CAPS2: variants seen among roughly 807,000 people sequenced by gnomAD.
CAPS2 encodes calcyphosin-2.
In CAPS2, 98 loss-of-function variants were observed where a neutral mutation model predicts 86.5. The observed-to-expected ratio is 1.13, with a 90% CI of 0.96 to 1.34. The LOEUF (loss-of-function observed/expected upper bound fraction) is 1.34. CAPS2 is among the 40% of genes most tolerant of loss of function. CAPS2 has a pLI of 0.00. For missense variants in CAPS2, 729 were observed against 686.8 expected (o/e 1.06, Z -0.69); for synonymous variants, 210 against 225.1 (o/e 0.93, Z 0.60).
chr12:75,335,960 T>C (rs2041707836), intron 1 of CAPS2, among the ~76,000 whole-genome samples: 3 of 151,996 alleles, frequency 2.0e-5, no homozygotes, highest in South Asian at 4.1e-4. Flanking sequence ...ATATAATAAA[T>C]GTTCTTTATA....
At chr12:75,277,199 A>C (rs1158975990), downstream of CAPS2, 16 of 943,584 alleles carry the variant, frequency 1.7e-5, no homozygotes, top group Non-Finnish European at 2.0e-5. Flanking sequence ...TACATTCCAA[A>C]AGTAGCTTCC....
intron 1 of CAPS2, among the ~76,000 whole-genome samples, chr12:75,384,655 G>A (rs2045188281): frequency 1.3e-5 from 2 of 152,028 alleles, no homozygotes; most frequent in Non-Finnish European, 2.9e-5. Context: ...CATTCTATGA[G>A]GCCAGCATTA....
chr12:75,374,298 G>A (rs951925212), intron 1 of CAPS2, among the ~76,000 whole-genome samples: 21 of 152,278 alleles, frequency 1.4e-4, no homozygotes, highest in South Asian at 2.1e-4. Flanking sequence ...CGAGTTACTC[G>A]ACAGATGGGC....
chr12:75,330,809 A>AGTTTCCTTCTTGTT (rs1450769720), upstream of CAPS2, among the ~76,000 whole-genome samples: 10 of 149,102 alleles, frequency 6.7e-5, no homozygotes, highest in African/African-American at 2.5e-4. Flanking sequence ...TTTGAGACGG[A>AGTTTCCTTCTTGTT]GTTTCCTTCT....
rs181580359 is a variant in CAPS2 at position 75,360,415 on chromosome 12, T to A, written c.-395+30423A>T. ...CAAGTTAGTTCCTTCCTAGATACAA[T>A]GGGGATACAGGCATTGGGTAAATGC... On this transcript the variant is annotated intron_variant, in intron 1 of 5. Transcript: ENST00000551829. 3.3e-5 allele frequency: 5 copies of A among 152,232 alleles called. No individual in the cohort carries two copies. The East Asian group carries it at 9.7e-4, about 29-fold the overall frequency. The allele number at this position is 152,232 out of a possible 1,614,324, so 9.4% of individuals were successfully genotyped here.
intron 1 of CAPS2, chr12:75,363,036 A>C: frequency 4.3e-6 from 3 of 699,284 alleles, no homozygotes; most frequent in Non-Finnish European, 7.3e-6. Flanking sequence ...CAACTTGCAT[A>C]CATGCATGAA....
chr12:75,350,318 TGAG>T, intron 1 of CAPS2, among the ~76,000 whole-genome samples: 1 of 152,332 alleles, frequency 6.6e-6, no homozygotes, highest in South Asian at 2.1e-4. Context: ...TGGCAAGCTC[TGAG>T]GAGTCTGGGT....
At chr12:75,307,739 A>C (rs1565861158) in intron 7 of CAPS2, among the ~76,000 whole-genome samples, 1 of 152,212 alleles carries the variant, frequency 6.6e-6, no homozygotes, top group Non-Finnish European at 1.5e-5. Flanking sequence ...CAAAGTAGAA[A>C]GAACAAATTC....
intron 1 of CAPS2, among the ~76,000 whole-genome samples, chr12:75,388,446 T>A: frequency 6.6e-6 from 1 of 151,958 alleles, no homozygotes; most frequent in Non-Finnish European, 1.5e-5. Context: ...AAATGAAAAA[T>A]TATTCAGTGC....
chr12:75,281,528 C>T (rs901984250), intron 16 of CAPS2, among the ~76,000 whole-genome samples: 3 of 151,890 alleles, frequency 2.0e-5, no homozygotes, highest in African/African-American at 7.2e-5. Flanking sequence ...ATCTTCAGTG[C>T]GCCTTTCATG....
chr12:75,288,638 C>T (rs997882114), intron 14 of CAPS2, among the ~76,000 whole-genome samples: 1 of 152,144 alleles, frequency 6.6e-6, no homozygotes, highest in Admixed American at 6.6e-5. Flanking sequence ...AGAATAAAAT[C>T]CAACCCTCTT....
At chr12:75,329,906 G>T (rs765839812), upstream of CAPS2, 222 of 1,527,576 alleles carry the variant, frequency 1.5e-4, no homozygotes, top group Non-Finnish European at 1.4e-4. Flanking sequence ...AGGGGCACAA[G>T]AGACAGTCAG....
chr12:75,345,689 T>A (rs1167862083), intron 1 of CAPS2, among the ~76,000 whole-genome samples: 2 of 152,108 alleles, frequency 1.3e-5, no homozygotes, highest in African/African-American at 4.8e-5. Context: ...TAAGGGAAAA[T>A]TGAGAGAATG....
intron 1 of CAPS2, chr12:75,360,886 TGGA>T (rs1245103411): frequency 6.6e-6 from 1 of 152,146 alleles, no homozygotes; most frequent in Non-Finnish European, 1.5e-5. Context: ...GAAATCTAGG[TGGA>T]GGTTTCCAAT....
intron 7 of CAPS2, chr12:75,306,083 G>A (rs1194608800): frequency 1.0e-5 from 15 of 1,463,150 alleles, no homozygotes; most frequent in African/African-American, 4.2e-5. Flanking sequence ...GCGTCCTGGG[G>A]CTGCGGCCCT....
intron 5 of CAPS2, 134 bp downstream of exon 5, chr12:75,321,266 G>T: frequency 3.4e-6 from 2 of 592,206 alleles, no homozygotes; most frequent in South Asian, 5.2e-5. Context: ...AACAGTCCTT[G>T]ATATGCAGAA....
At chr12:75,295,424 T>C (rs953833474) in intron 11 of CAPS2, among the ~76,000 whole-genome samples, 1 of 152,202 alleles carries the variant, frequency 6.6e-6, no homozygotes, top group African/African-American at 2.4e-5. Flanking sequence ...TTTGCACTTA[T>C]TTAGTCTTTC....
intron 1 of CAPS2, among the ~76,000 whole-genome samples, chr12:75,384,811 G>A (rs977812460): frequency 6.6e-6 from 1 of 151,648 alleles, no homozygotes; most frequent in African/African-American, 2.4e-5. Flanking sequence ...ATTACATGAT[G>A]GAGTGGAATT....
chr12:75,277,931 T>C (rs1219304527), exon 17 of CAPS2: 4 of 826,940 alleles, frequency 4.8e-6, no homozygotes, highest in Non-Finnish European at 5.8e-6. Flanking sequence ...TAGAAGGAAA[T>C]GTTTCAATTG....
Sources: allele counts gnomAD v4.1 joint callset (sites outside exome capture counted in the v4.1 genomes callset), GRCh38; gene constraint gnomAD v4.1.1; transcripts MANE v1.5; gene names NCBI Gene and HGNC (gene_info 2026-07-23, HGNC 2026-07-21).